The following PARD3 variants were observed in gnomAD, a reference collection of about 807,000 sequenced individuals.
PARD3 encodes the protein partitioning defective 3 homolog.
A neutral mutation model predicts 155.4 loss-of-function variants in PARD3; 75 were observed. That is an observed-to-expected ratio of 0.48 (90% CI 0.40 to 0.58). The LOEUF is 0.58. Ranked by LOEUF, PARD3 falls within the 20% of genes least tolerant of loss-of-function variation. PARD3 has a pLI of 0.00. For missense variants in PARD3, 1,642 were observed against 1,721.7 expected (o/e 0.95, Z 0.82); for synonymous variants, 576 against 610.5 (o/e 0.94, Z 0.83).
At chr10:34,315,790 A>C (rs1351506805) in intron 20 of PARD3, among the ~76,000 whole-genome samples, 1 of 152,228 alleles carries the variant, frequency 6.6e-6, no homozygotes, top group Non-Finnish European at 1.5e-5. Flanking sequence ...GCCCTGTGTA[A>C]ACTAGAAAAA....
intron 11 of PARD3, 49 bp downstream of exon 11, chr10:34,374,825 C>T (rs369140472): frequency 1.3e-6 from 2 of 1,591,480 alleles, no homozygotes; most frequent in South Asian, 1.1e-5. Flanking sequence ...AACCCAGACC[C>T]CTGGCTGCTG....
intron 2 of PARD3, among the ~76,000 whole-genome samples, chr10:34,558,680 C>CAG (rs2085210490): frequency 6.6e-6 from 1 of 152,176 alleles, no homozygotes; most frequent in Non-Finnish European, 1.5e-5. Context: ...CCTCTAATCC[C>CAG]AGCACTTTGG....
In PARD3 at chr10:34,411,875, G is replaced by T. The variant is rs72788269; in HGVS notation, c.715-9958C>A. Among the ~76,000 whole-genome samples the T allele has an allele frequency of 4.1e-3, 620 of 151,248 alleles. 2 individuals carry two copies. The highest frequency in any genetic ancestry group is 6.8e-3 in the Middle Eastern group (2 of 292). On this transcript the variant is annotated intron_variant, in intron 5 of 24. Transcript: ENST00000374788. ...CATATACTCTTTGCAAGTTTATCAG[G>T]AGTTTTTTTTCTATGTATTTTAACA...
chr10:34,800,954 T>C (rs956427805), intron 1 of PARD3, among the ~76,000 whole-genome samples: 1 of 152,168 alleles, frequency 6.6e-6, no homozygotes, highest in South Asian at 2.1e-4. Context: ...AAAGAAACAA[T>C]GCAGGGCCAA....
At chr10:34,323,970 CA>C (rs1193805737) in intron 19 of PARD3, among the ~76,000 whole-genome samples, 2 of 152,210 alleles carry the variant, frequency 1.3e-5, no homozygotes, top group Non-Finnish European at 2.9e-5. Context: ...GCTGGCTACA[CA>C]ATCGAAATGA....
At chr10:34,714,410 C>T (rs1000483067) in intron 1 of PARD3, among the ~76,000 whole-genome samples, 2 of 152,176 alleles carry the variant, frequency 1.3e-5, no homozygotes, top group Non-Finnish European at 2.9e-5. Flanking sequence ...TATGGACAAA[C>T]AGTTATCCAA....
intron 13 of PARD3, 134 bp downstream of exon 13, chr10:34,359,937 T>C: frequency 1.5e-6 from 1 of 658,424 alleles, no homozygotes; most frequent in Non-Finnish European, 2.6e-6. Context: ...ATACACCTAG[T>C]TGTTTAAATG....
chr10:34,199,896 A>C (rs552768934), intron 22 of PARD3, among the ~76,000 whole-genome samples: 115 of 152,202 alleles, frequency 7.6e-4, no homozygotes, highest in Non-Finnish European at 1.4e-3. Flanking sequence ...GCCCGACCCC[A>C]AAAAAACAGA....
chr10:34,116,582 G>T (rs982889010), intron 24 of PARD3, among the ~76,000 whole-genome samples: 1 of 152,156 alleles, frequency 6.6e-6, no homozygotes, highest in Non-Finnish European at 1.5e-5. Context: ...GCATCAAGCC[G>T]AACGCAGGGT....
chr10:34,674,149 T>C (rs2093658643), intron 2 of PARD3, among the ~76,000 whole-genome samples: 1 of 152,228 alleles, frequency 6.6e-6, no homozygotes, highest in Non-Finnish European at 1.5e-5. Context: ...ATATCTGTAT[T>C]TCTTCGTTAA....
At chr10:34,349,569 C>T (rs1837784635) in intron 14 of PARD3, among the ~76,000 whole-genome samples, 1 of 72,428 alleles carries the variant, frequency 1.4e-5, no homozygotes, top group Non-Finnish European at 2.5e-5. Flanking sequence ...TTCCAAGAGA[C>T]TCTGGGAAAG....
chr10:34,179,255 G>A (rs1950169854), intron 22 of PARD3, among the ~76,000 whole-genome samples: 1 of 152,160 alleles, frequency 6.6e-6, no homozygotes, highest in African/African-American at 2.4e-5. Context: ...GAGGCCCTAA[G>A]TGGAGGTATC....
intron 2 of PARD3, among the ~76,000 whole-genome samples, chr10:34,572,607 C>A (rs1159969745): frequency 6.6e-6 from 1 of 150,526 alleles, no homozygotes; most frequent in African/African-American, 2.5e-5. Context: ...TATCACTGCA[C>A]TCCAGCCGGG....
intron 22 of PARD3, among the ~76,000 whole-genome samples, chr10:34,200,662 T>TA (rs961084867): frequency 1.3e-5 from 2 of 151,944 alleles, no homozygotes; most frequent in Non-Finnish European, 2.9e-5. Flanking sequence ...AGATGGACAG[T>TA]AAAAAATAGA....
At chr10:34,242,802 G>A (rs1564513141) in intron 22 of PARD3, among the ~76,000 whole-genome samples, 1 of 152,108 alleles carries the variant, frequency 6.6e-6, no homozygotes, top group Non-Finnish European at 1.5e-5. Context: ...GGGCGTGGTG[G>A]CGCACACCTG....
At chr10:34,608,679 T>G (rs551470282) in intron 2 of PARD3, among the ~76,000 whole-genome samples, 7 of 151,620 alleles carry the variant, frequency 4.6e-5, no homozygotes, top group African/African-American at 1.7e-4. Context: ...GGATTACAGG[T>G]GCCTGCCACC....
intron 8 of PARD3, 27 bp from the exon 9 acceptor site, chr10:34,382,949 A>G: frequency 2.5e-6 from 4 of 1,611,082 alleles, no homozygotes; most frequent in Admixed American, 3.4e-5. Context: ...ATAGAAAATT[A>G]GCAAATTAAG....
chr10:34,337,016 G>T (rs1836265114), intron 17 of PARD3, among the ~76,000 whole-genome samples: 1 of 152,090 alleles, frequency 6.6e-6, no homozygotes, highest in South Asian at 2.1e-4. Context: ...CATGGACATA[G>T]CATGATATGC....
chr10:34,336,288 T>C (rs761729841), intron 17 of PARD3, 45 bp from the exon 18 acceptor site: 7 of 1,423,932 alleles, frequency 4.9e-6, no homozygotes, highest in African/African-American at 2.8e-5. Context: ...TTAGTTCCCA[T>C]AGCCCACCAT....
Sources: gnomAD v4.1 joint callset for allele counts (sites outside exome capture counted in the v4.1 genomes callset) on GRCh38, gnomAD v4.1.1 for gene constraint, MANE v1.5 for transcripts, NCBI Gene and HGNC (gene_info 2026-07-23, HGNC 2026-07-21) for gene names.